ARL10: variants seen among roughly 807,000 people sequenced by gnomAD.
ARL10 encodes ADP-ribosylation factor-like protein 10.
A neutral mutation model predicts 26.1 loss-of-function variants in ARL10; 23 were observed. The ratio of observed to expected loss-of-function variants is 0.88; its 90% CI spans 0.63 to 1.25. The LOEUF is 1.25. Among genes scored for constraint, ARL10 ranks in the 50% most tolerant of loss-of-function variants. The pLI is 0.00. For synonymous variants in ARL10, 138 were observed against 149.1 expected, an observed-to-expected ratio of 0.93 and a Z score of 0.54; for missense variants, 300 against 323.6, an observed-to-expected ratio of 0.93 and a Z score of 0.56.
Position 176,379,628 on chromosome 5 carries a change from A to T in ARL10, c.*7733A>T, listed in dbSNP as rs1346656709. On this transcript the variant is annotated 3_prime_UTR_variant, in exon 4 of 4. Coordinates refer to ENST00000310389, the MANE Select transcript of ARL10 (RefSeq NM_173664.6). The stretch of plus-strand genomic sequence containing the variant: ...CTTTTTAAATAGAGCAGTTAATGCC[A>T]TTTCTGTCTCTGCAGGTTTCACAAG... The T allele has an allele frequency of 6.6e-6, 1 of 152,204 alleles. No individual in the cohort carries two copies. The allele number at this position is 152,204 out of a possible 1,614,324, so 9.4% of individuals were successfully genotyped here.
chr5:176,368,827 C>G lies in ARL10; in HGVS notation c.406C>G (p.Arg136Gly). 1 of 1,612,728 alleles carries G rather than the reference C, an allele frequency of 6.2e-7. No homozygotes were observed. Among genetic ancestry groups the G allele is most frequent in the Non-Finnish European group, 8.5e-7 (1 of 1,179,148 alleles). ...CTCAGTTGGGGGCAGCCAGAACCTG[C>G]GCTTCTACTGGAAGGAGTTTGTGAG... Reference protein sequence around the residue: ...LLEIGGSQNLRFYWKEFVSEV... With the variant: ...LLEIGGSQNLGFYWKEFVSEV... The change falls in exon 3 of 4, where the codon CGC becomes GGC. Residue 136 changes from arginine (R) to glycine (G), a missense_variant. By Grantham distance (125) the Arg-to-Gly change is moderately radical. Coordinates refer to ENST00000310389, the MANE Select transcript of ARL10 (RefSeq NM_173664.6). This position sits in a 1 kb window ranked among gnomAD's most constrained non-coding sequence, Gnocchi z 4.1.
chr5:176,380,994 G>C lies in ARL10; in HGVS notation c.*9099G>C, dbSNP rs1027226995. 1 of 152,010 alleles carries C rather than the reference G, an allele frequency of 6.6e-6. No homozygotes were observed. The highest frequency in any genetic ancestry group is 6.6e-5 in the Admixed American group (1 of 15,242). 9.4% of individuals were successfully genotyped at this position (152,010 alleles called of 1,614,324 possible). On this transcript the variant is annotated 3_prime_UTR_variant, in exon 4 of 4. Transcript: ENST00000310389. ...TGTTGCCCAGGCTGGTCTCAAACTT[G>C]TGAGCTCAAGAGATCTTCCTGCCTC...
At position 176,368,113 on chromosome 5, in the gene ARL10, G is replaced by A. The variant is rs1768388216; in HGVS notation, c.386-694G>A. 2.1e-6 allele frequency: 1 copy of A among 481,520 alleles called. No individual in the cohort carries two copies. The highest frequency in any genetic ancestry group is 5.7e-5 in the East Asian group (1 of 17,636). The allele number at this position is 481,520 out of a possible 1,614,324, so 29.8% of individuals were successfully genotyped here. On this transcript the variant is annotated intron_variant, in intron 2 of 3. Transcript: ENST00000310389. The surrounding 1 kb of genome is among the most constrained non-coding windows in gnomAD (Gnocchi z 4.1). ...TCAGAAACATAGCCAGAAACACTAG[G>A]GTGCGGGGTGACCAATGGGACTGTG...
chr5:176,386,421 G>A (rs1273248971), downstream of ARL10: 3 of 297,816 alleles, frequency 1.0e-5, no homozygotes, highest in African/African-American at 2.2e-5. Flanking sequence ...TTCCTGTAGG[G>A]TTTACTCTCC....
intron 1 of ARL10, chr5:176,396,532 C>T: frequency 6.2e-7 from 1 of 1,612,982 alleles, no homozygotes; most frequent in Non-Finnish European, 8.5e-7. Flanking sequence ...TGTCAGCGAT[C>T]CTTGAGGGAA....
chr5:176,365,620 G>A lies in ARL10; in HGVS notation c.57G>A (p.Val19=). Residue 19 remains valine, a synonymous_variant, in exon 1 of 4, where the codon GTG becomes GTA. Transcript: ENST00000310389. ...LVLALGGAAA[V]LGSVLFILWK... is the part of the protein sequence containing the mutation. Reference sequence around the variant, plus strand: ...TGGCGCTGGGCGGCGCCGCGGCGGTGCTGGGCTCGGTGCTCTTCATCCTCT... The same window carrying A: ...TGGCGCTGGGCGGCGCCGCGGCGGTACTGGGCTCGGTGCTCTTCATCCTCT... 1.3e-5 allele frequency: 17 copies of A among 1,260,604 alleles called. No homozygotes were observed. Among genetic ancestry groups the A allele is most frequent in the Non-Finnish European group, 1.7e-5 (17 of 1,003,950 alleles). 78.1% of individuals were successfully genotyped at this position (1,260,604 alleles called of 1,614,324 possible).
chr5:176,383,070 G>A (rs1306557617), downstream of ARL10, among the ~76,000 whole-genome samples: 2 of 152,160 alleles, frequency 1.3e-5, no homozygotes, highest in African/African-American at 4.8e-5. Context: ...GCCTTCAGGG[G>A]TCCTTAAAGG....
At chr5:176,389,991 T>A (rs1410145847), downstream of ARL10, among the ~76,000 whole-genome samples, 1 of 151,988 alleles carries the variant, frequency 6.6e-6, no homozygotes, top group Non-Finnish European at 1.5e-5. Flanking sequence ...AAGACCAGCC[T>A]GACCAACATG....
At chr5:176,397,789 T>C (rs568275000) in intron 1 of ARL10, 1 of 1,530,736 alleles carries the variant, frequency 6.5e-7, no homozygotes, top group African/African-American at 1.4e-5. Context: ...GCTCCTCCCC[T>C]GGCCCCTGCC....
chr5:176,392,674 G>T, downstream of ARL10: 1 of 1,379,050 alleles, frequency 7.3e-7, no homozygotes, highest in Non-Finnish European at 1.0e-6. The surrounding 1 kb of genome is among the most constrained non-coding windows in gnomAD (Gnocchi z 5.2). Flanking sequence ...GGAATAGGCT[G>T]TGGGTAGCAG....
the ARL10 span, among the ~76,000 whole-genome samples, chr5:176,409,270 A>G: frequency 7.1e-6 from 1 of 141,824 alleles, no homozygotes; most frequent in Non-Finnish European, 1.5e-5. Context: ...CACCACGCCC[A>G]GCCCAAACAT....
rs1406149768 is a variant in ARL10, at chr5:176,379,733, A to G, written c.*7838A>G. On this transcript the variant is annotated 3_prime_UTR_variant, in exon 4 of 4. Coordinates refer to ENST00000310389, the MANE Select transcript of ARL10 (RefSeq NM_173664.6). ...ACAAGATTATGTGATTGACCAATCA[A>G]TTTTTTGTGGAAAAGCCCTAGGGAT... 1 of 152,174 alleles carries G rather than the reference A, an allele frequency of 6.6e-6. No individual in the cohort carries two copies. The highest frequency in any genetic ancestry group is 2.4e-5 in the African/African-American group (1 of 41,420). 9.4% of individuals were successfully genotyped at this position (152,174 alleles called of 1,614,324 possible).
At position 176,378,824 on chromosome 5, in the gene ARL10, C is replaced by T. The variant is rs1463616229; in HGVS notation, c.*6929C>T. ...AGGAGAATGGCGTGAACCCAGGAGGCAGAGCTTGCAGTGAGCCGAGATCGC... is the reference window on the plus strand; with the variant it reads ...AGGAGAATGGCGTGAACCCAGGAGGTAGAGCTTGCAGTGAGCCGAGATCGC... On this transcript the variant is annotated 3_prime_UTR_variant, in exon 4 of 4. Transcript: ENST00000310389. 6.8e-6 allele frequency: 1 copy of T among 147,316 alleles called. No homozygotes were observed. The highest frequency in any genetic ancestry group is 2.5e-5 in the African/African-American group (1 of 39,742). 9.1% of individuals were successfully genotyped at this position (147,316 alleles called of 1,614,324 possible).
At chr5:176,406,034 C>T, downstream of ARL10, 1 of 528,578 alleles carries the variant, frequency 1.9e-6, no homozygotes, top group Non-Finnish European at 2.4e-6. Flanking sequence ...AGGCAAAGCC[C>T]CGAGAAGCAG....
downstream of ARL10, among the ~76,000 whole-genome samples, chr5:176,403,386 T>C (rs1756930570): frequency 6.6e-6 from 1 of 151,768 alleles, no homozygotes. Flanking sequence ...AGAACTTGCA[T>C]TTAAAGGGCT....
rs538682415 is a variant in ARL10, at chr5:176,373,086, A to G, written c.*1191A>G. On this transcript the variant is annotated 3_prime_UTR_variant, in exon 4 of 4. Transcript: ENST00000310389. The stretch of plus-strand genomic sequence containing the variant: ...GAAAGGGTGCAAATTCCTTCTGGGT[A>G]GATAAGAAATGACTCTGGGAGAGGA... 55 of 398,642 alleles carry G rather than the reference A, an allele frequency of 1.4e-4. No individual in the cohort carries two copies. Among genetic ancestry groups the G allele is most frequent in the Admixed American group, 1.8e-4 (4 of 22,736 alleles). 24.7% of individuals were successfully genotyped at this position (398,642 alleles called of 1,614,324 possible).
chr5:176,388,488 T>C, exon 2 of ARL10: 1 of 1,614,206 alleles, frequency 6.2e-7, no homozygotes, highest in Non-Finnish European at 8.5e-7. Context: ...CGCTTTCGGT[T>C]GACACTGTAA....
downstream of ARL10, chr5:176,385,291 CCTTT>C: frequency 6.2e-7 from 1 of 1,613,078 alleles, no homozygotes. Context: ...CAGAGTATTT[CCTTT>C]CTTTTCTGGA....
In ARL10 at chr5:176,375,267, TCCAC is replaced by T. The variant is rs1561775976; in HGVS notation, c.*3376_*3379del. 4 of 119,846 alleles carry T rather than the reference TCCAC, an allele frequency of 3.3e-5. No homozygotes were observed. Among genetic ancestry groups the T allele is most frequent in the Admixed American group, 8.9e-5 (1 of 11,270 alleles). The allele number at this position is 119,846 out of a possible 1,614,324, so 7.4% of individuals were successfully genotyped here. Reference sequence around the variant, plus strand: ...ATCCATCCTTCCATCCATCCACCCATCCACCCATCCATCCATCCACCCATCCATC... The same window carrying T: ...ATCCATCCTTCCATCCATCCACCCATCCATCCATCCATCCACCCATCCATC... On this transcript the variant is annotated 3_prime_UTR_variant, in exon 4 of 4. Transcript: ENST00000310389.
Sources: allele counts gnomAD v4.1 joint callset (sites outside exome capture counted in the v4.1 genomes callset), GRCh38; gene constraint gnomAD v4.1.1; non-coding constraint Gnocchi (gnomAD v3.1); transcripts MANE v1.5; gene names NCBI Gene and HGNC (gene_info 2026-07-23, HGNC 2026-07-21).